The following USP24 variants were observed in gnomAD, a reference collection of about 807,000 sequenced individuals.
USP24 encodes ubiquitin carboxyl-terminal hydrolase 24.
Under a neutral mutation model 361.6 loss-of-function variants are expected in USP24, and 97 were observed. That is an observed-to-expected ratio of 0.27 (90% CI 0.23 to 0.32). The LOEUF (loss-of-function observed/expected upper bound fraction) is 0.32, where lower values mean the gene tolerates loss of function less well. Ranked by LOEUF, USP24 falls within the 10% of genes least tolerant of loss-of-function variation. USP24 has a pLI of 1.00. For synonymous variants in USP24, 1,098 were observed against 1,124.6 expected, an observed-to-expected ratio of 0.98 and a Z score of 0.47; for missense variants, 2,353 against 3,165.6, an observed-to-expected ratio of 0.74 and a Z score of 6.16.
chr1:55,132,775 T>C, intron 30 of USP24, 75 bp from the exon 31 acceptor site: 1 of 1,398,460 alleles, frequency 7.2e-7, no homozygotes, highest in Non-Finnish European at 9.6e-7. Context: ...TTAGTACACG[T>C]CCTAATATTC....
chr1:55,154,501 G>C (rs1266464344), intron 13 of USP24, 35 bp from the exon 14 acceptor site: 2 of 1,537,860 alleles, frequency 1.3e-6, no homozygotes, highest in Non-Finnish European at 1.8e-6. Flanking sequence ...ATTGCTTCAC[G>C]ATCAAACTGG....
In USP24 at chr1:55,094,080, G is replaced by A. The variant is rs764180680; in HGVS notation, c.6211C>T (p.Pro2071Ser). 5.0e-6 allele frequency: 8 copies of A among 1,612,842 alleles called. 1 individual carries two copies. The South Asian group carries it at 6.6e-5, about 13-fold the overall frequency. The change falls in exon 52 of 68, where the codon CCA (proline) becomes TCA (serine). Residue 2071 changes from proline (P) to serine (S), a missense_variant. Pro to Ser is a moderately conservative substitution (Grantham distance 74). Around this residue, in one of 8 missense-constraint regions of USP24, gnomAD observed 598 missense variants for 761.9 expected, o/e 0.78. Transcript: ENST00000294383. ...QEAEDLSLSA[P>S]SSPEISPQSS... Reference sequence around the variant, plus strand: ...TGAGGTGAAATTTCTGGTGAAGATGGAGCTGACCTAAGAGATAGAATCAGA... The same window carrying A: ...TGAGGTGAAATTTCTGGTGAAGATGAAGCTGACCTAAGAGATAGAATCAGA...
At chr1:55,121,247 G>A (rs944534295) in intron 37 of USP24, among the ~76,000 whole-genome samples, 189 bp downstream of exon 37, 3 of 152,174 alleles carry the variant, frequency 2.0e-5, no homozygotes, top group Non-Finnish European at 4.4e-5. Context: ...GGCATATGGA[G>A]GAGGTAGTAG....
At chr1:55,087,043 C>T (rs956682128) in intron 55 of USP24, among the ~76,000 whole-genome samples, 2 of 151,982 alleles carry the variant, frequency 1.3e-5, no homozygotes, top group Admixed American at 1.3e-4. Flanking sequence ...TAAAGAATTG[C>T]CTTAGAAGAC....
Position 55,077,282 on chromosome 1 carries a change from G to A in USP24, c.7333C>T (p.Pro2445Ser), listed in dbSNP as rs1557527751. The A allele has an allele frequency of 6.4e-7, 1 of 1,564,816 alleles. No homozygotes were observed. The highest frequency in any genetic ancestry group is 8.7e-7 in the Non-Finnish European group (1 of 1,151,084). Residue 2445 changes from proline (P) to serine (S), a missense_variant, in exon 62 of 68, where the codon CCA (proline) becomes TCA (serine). Transcript: ENST00000294383. ...HFIKNQLETAPPHELKNTFQL... is the reference protein window; with the variant it reads ...HFIKNQLETASPHELKNTFQL... ...AACGTATTCTTTAACTCATGAGGTG[G>A]AGCCGTTTCTAGTTGGTTCTGAAAT...
intron 64 of USP24, among the ~76,000 whole-genome samples, 192 bp downstream of exon 64, chr1:55,073,636 T>C (rs896769073): frequency 2.6e-5 from 4 of 152,214 alleles, no homozygotes; most frequent in Admixed American, 2.6e-4. Context: ...TATAAAGATC[T>C]GTCACTCTTT....
chr1:55,141,642 T>C lies in USP24; in HGVS notation c.2724A>G (p.Val908=). The C allele has an allele frequency of 6.2e-7, 1 of 1,612,226 alleles. No individual in the cohort carries two copies. The highest frequency in any genetic ancestry group is 1.1e-5 in the South Asian group (1 of 90,604). ...TATAAGGAGACTGAACTGAGGTTGC[T>C]ACAGTTGGCATGGCAGTTGCTGTAA... ...KMLTATAMPT[V]ATSVQSPYRS... is the part of the protein sequence containing the mutation. The change falls in exon 24 of 68, where the codon GTA becomes GTG. Residue 908 remains valine, a synonymous_variant. Transcript: ENST00000294383.
Position 55,081,100 on chromosome 1 carries a change from T to A in USP24, c.7078+222A>T, listed in dbSNP as rs371321882. Among the ~76,000 whole-genome samples, 44 of 152,256 alleles carry A rather than the reference T, an allele frequency of 2.9e-4. No homozygotes were observed. In the South Asian group the frequency reaches 8.9e-3, roughly 31 times the overall value. The stretch of plus-strand genomic sequence containing the variant: ...AGTTGTTTTAAAAAAAATACTTATA[T>A]ACCCTCTCACCTCTCCCAAATGAAT... On this transcript the variant is annotated intron_variant, in intron 59 of 67. Coordinates refer to ENST00000294383, the MANE Select transcript of USP24 (RefSeq NM_015306.3).
intron 1 of USP24, among the ~76,000 whole-genome samples, chr1:55,184,946 T>C (rs1259618126): frequency 2.6e-5 from 4 of 151,656 alleles, no homozygotes; most frequent in African/African-American, 9.7e-5. Flanking sequence ...AATTTGTTTG[T>C]TTTGGGATTT....
In USP24 at chr1:55,138,620, G is replaced by C; in HGVS notation, c.2916C>G (p.Thr972=). 6.2e-7 allele frequency: 1 copy of C among 1,609,142 alleles called. No homozygotes were observed. The highest frequency in any genetic ancestry group is 8.5e-7 in the Non-Finnish European group (1 of 1,176,632). ...LNVTYESTKD[T]FTVEAHSNET... ...AATGTAAACCTACCTCGACAGTGAA[G>C]GTATCTTTGGTAGACTCATAGGTAA... The change falls in exon 26 of 68, where the codon ACC becomes ACG. Residue 972 remains threonine (T), a synonymous_variant. Coordinates refer to ENST00000294383, the MANE Select transcript of USP24 (RefSeq NM_015306.3).
intron 21 of USP24, 60 bp from the exon 22 acceptor site, chr1:55,143,179 C>A: frequency 7.8e-7 from 1 of 1,283,098 alleles, no homozygotes; most frequent in Non-Finnish European, 1.0e-6. Context: ...GTTACAAAAT[C>A]ACAGATAATT....
chr1:55,125,062 A>G (rs1570470630), intron 34 of USP24, among the ~76,000 whole-genome samples: 1 of 152,194 alleles, frequency 6.6e-6, no homozygotes, highest in South Asian at 2.1e-4. Context: ...ATCACCCATC[A>G]CAGCCACAGG....
rs754010879 is a variant in USP24 at position 55,123,476 on chromosome 1, G to A, written c.4247C>T (p.Thr1416Met). 12 of 1,597,328 alleles carry A rather than the reference G, an allele frequency of 7.5e-6. No individual in the cohort carries two copies. The highest frequency in any genetic ancestry group is 4.5e-5 in the East Asian group (2 of 44,098). The change falls in exon 36 of 68, where the codon ACG (threonine) becomes ATG (methionine). Residue 1416 changes from threonine to methionine, a missense_variant. Transcript: ENST00000294383. ...IAGEALSLLV[T>M]CLQLRSQQLA... The stretch of plus-strand genomic sequence containing the variant: ...TTGCTGGCTCCGAAGCTGTAGGCAC[G>A]TAACAAGAAGAGACAAAGCCTCTCC...
Position 55,089,601 on chromosome 1 carries a change from T to C in USP24, c.6668+26A>G, listed in dbSNP as rs755380201. The stretch of plus-strand genomic sequence containing the variant: ...ATCACTGGAAGAGACACAAATTTCT[T>C]TTAATTAAAAGACTCCAACACTTAC... On this transcript the variant is annotated intron_variant, in intron 55 of 67. Transcript: ENST00000294383. The C allele has an allele frequency of 2.0e-6, 3 of 1,494,054 alleles. No homozygotes were observed. In the South Asian group the frequency reaches 3.8e-5, roughly 19 times the overall value. 92.5% of individuals were successfully genotyped at this position (1,494,054 alleles called of 1,614,324 possible). A position where few individuals can be genotyped will look rare whatever the true frequency, so the allele number is the denominator to read the frequency against.
In USP24 at chr1:55,171,603, C is replaced by T. The variant is rs750296855; in HGVS notation, c.778G>A (p.Gly260Arg). 1 of 1,611,230 alleles carries T rather than the reference C, an allele frequency of 6.2e-7. No individual in the cohort carries two copies. Among genetic ancestry groups the T allele is most frequent in the South Asian group, 1.1e-5 (1 of 90,572 alleles). Residue 260 changes from glycine (G) to arginine (R), a missense_variant, in exon 5 of 68, where the codon GGA becomes AGA. This residue lies in a region of USP24 where 386 missense variants were observed against 560.5 expected (regional missense o/e 0.69). Coordinates refer to ENST00000294383, the MANE Select transcript of USP24 (RefSeq NM_015306.3). The part of the protein sequence containing the change: ...VSQRNWAEVF[G>R]EGNMFAVSPV... ...GAAACAGCAAACATATTTCCCTCTC[C>T]AAACACTTCTGCCCAATTCCTTTGA...
Position 55,125,410 on chromosome 1 carries a change from T to C in USP24, c.3870A>G (p.Pro1290=). 8 of 1,614,006 alleles carry C rather than the reference T, an allele frequency of 5.0e-6. No homozygotes were observed. Among genetic ancestry groups the C allele is most frequent in the Non-Finnish European group, 6.8e-6 (8 of 1,179,890 alleles). ...ACAACTGTCGGTAGGATGACTTTTC[T>C]GGGGTACCACATAAGGACATCTGTC... ...TSRQMSLCGT[P]EKSSYRQLSV... is the part of the protein sequence containing the mutation. The change falls in exon 34 of 68, where the codon CCA becomes CCG. Residue 1290 remains proline, a synonymous_variant. Coordinates refer to ENST00000294383, the MANE Select transcript of USP24 (RefSeq NM_015306.3).
At chr1:55,127,858 T>G (rs1307665645) in intron 32 of USP24, among the ~76,000 whole-genome samples, 2 of 152,158 alleles carry the variant, frequency 1.3e-5, no homozygotes, top group African/African-American at 4.8e-5. Flanking sequence ...TCACCCCTTT[T>G]TTCTTACTCA....
At chr1:55,091,616 C>A (rs1357761238) in intron 54 of USP24, among the ~76,000 whole-genome samples, 1 of 152,166 alleles carries the variant, frequency 6.6e-6, no homozygotes, top group African/African-American at 2.4e-5. Flanking sequence ...CCTACTAAAA[C>A]ACAATTAGTC....
chr1:55,069,034 G>C lies in USP24; in HGVS notation c.*11C>G, dbSNP rs1644866688. 1 of 1,613,620 alleles carries C rather than the reference G, an allele frequency of 6.2e-7. No individual in the cohort carries two copies. The highest frequency in any genetic ancestry group is 8.5e-7 in the Non-Finnish European group (1 of 1,179,726). On this transcript the variant is annotated 3_prime_UTR_variant, in exon 68 of 68. Coordinates refer to ENST00000294383, the MANE Select transcript of USP24 (RefSeq NM_015306.3). ...TTGTGTCTTGACTCCTCTCAGGCTG[G>C]GCATGTTCCTCTAGGGATCAACATC...
Sources: allele counts gnomAD v4.1 joint callset (sites outside exome capture counted in the v4.1 genomes callset), GRCh38; gene constraint gnomAD v4.1.1; regional missense constraint gnomAD v4.1.1; transcripts MANE v1.5; gene names NCBI Gene and HGNC (gene_info 2026-07-23, HGNC 2026-07-21).